GALNT13: variants seen among roughly 807,000 people sequenced by gnomAD.
The protein encoded by GALNT13 is UDP-GalNAc:polypeptide N-acetylgalactosaminyltransferase 13.
A neutral mutation model predicts 64.2 loss-of-function variants in GALNT13; 28 were observed. The ratio of observed to expected loss-of-function variants is 0.44; its 90% CI spans 0.32 to 0.60. The LOEUF is 0.60. GALNT13 is among the 20% of genes least tolerant of loss of function. The pLI, the probability that GALNT13 is intolerant of heterozygous loss-of-function variation, is 0.05. For synonymous variants in GALNT13, 214 were observed against 224.6 expected (o/e 0.95, Z 0.42); for missense variants, 577 against 669.8 (o/e 0.86, Z 1.53).
chr2:153,114,335 G>A, the GALNT13 span, among the ~76,000 whole-genome samples: 1 of 152,056 alleles, frequency 6.6e-6, no homozygotes, highest in African/African-American at 2.4e-5. Context: ...CAACCCCATG[G>A]TTTCACTCCC....
the GALNT13 span, among the ~76,000 whole-genome samples, chr2:153,194,447 CT>C: frequency 6.6e-6 from 1 of 151,908 alleles, no homozygotes; most frequent in Admixed American, 6.6e-5. Context: ...CTGTTTGGTT[CT>C]TTTTTATGAT....
intron 3 of GALNT13, among the ~76,000 whole-genome samples, chr2:154,064,771 A>G (rs1307545937): frequency 6.6e-6 from 1 of 152,136 alleles, no homozygotes; most frequent in Non-Finnish European, 1.5e-5. Context: ...AGACTGAGAC[A>G]TGCTGGCTTC....
the GALNT13 span, among the ~76,000 whole-genome samples, chr2:153,608,771 C>T: frequency 6.8e-6 from 1 of 146,578 alleles, no homozygotes; most frequent in African/African-American, 2.5e-5. Flanking sequence ...AATTTTATAT[C>T]TGATATATAA....
the GALNT13 span, among the ~76,000 whole-genome samples, chr2:153,359,629 G>GAAAA: frequency 1.1e-3 from 10 of 8,926 alleles, no homozygotes; most frequent in Admixed American, 3.5e-3. Context: ...CCAGCTTTCA[G>GAAAA]CAAAAAAAAA....
the GALNT13 span, among the ~76,000 whole-genome samples, chr2:153,816,195 C>T: frequency 6.6e-6 from 1 of 152,094 alleles, no homozygotes; most frequent in African/African-American, 2.4e-5. Flanking sequence ...GGGGTAGGAA[C>T]TACTTTAAAG....
the GALNT13 span, among the ~76,000 whole-genome samples, chr2:153,460,298 T>G: frequency 2.0e-5 from 3 of 152,166 alleles, no homozygotes; most frequent in Admixed American, 2.0e-4. Context: ...CACCTGTATG[T>G]TATGTAACAA....
chr2:153,400,804 ATTC>A, the GALNT13 span, among the ~76,000 whole-genome samples: 2 of 151,104 alleles, frequency 1.3e-5, no homozygotes, highest in African/African-American at 4.9e-5. Flanking sequence ...TGTCTATTTG[ATTC>A]TTCTCTCTTT....
intron 8 of GALNT13, among the ~76,000 whole-genome samples, chr2:154,272,714 A>G (rs546957989): frequency 1.1e-4 from 17 of 152,264 alleles, no homozygotes; most frequent in Middle Eastern, 6.8e-3. Context: ...CTGAAAATTA[A>G]GTCAATTATC....
At chr2:154,394,059 C>T (rs62172328) in intron 9 of GALNT13, among the ~76,000 whole-genome samples, 1 of 100,990 alleles carries the variant, frequency 9.9e-6, no homozygotes, top group South Asian at 3.8e-4. Context: ...GCCTGGGCGA[C>T]AGAGCGAGAC....
the GALNT13 span, among the ~76,000 whole-genome samples, chr2:153,452,927 T>C: frequency 6.6e-6 from 1 of 152,074 alleles, no homozygotes; most frequent in Non-Finnish European, 1.5e-5. Context: ...AAAATAGTCA[T>C]ACAGATAAAT....
intron 9 of GALNT13, among the ~76,000 whole-genome samples, chr2:154,379,811 A>C (rs1040091765): frequency 1.1e-4 from 17 of 152,116 alleles, no homozygotes; most frequent in African/African-American, 3.6e-4. Context: ...GGGCAGGAAA[A>C]CAATTGCAAA....
In GALNT13 at chr2:154,331,241, G is replaced by A. The variant is rs115153995; in HGVS notation, c.1156+29652G>A. Among the ~76,000 whole-genome samples, 576 of 152,018 alleles carry A rather than the reference G, an allele frequency of 3.8e-3. 5 individuals are homozygous for A. The highest frequency in any genetic ancestry group is 0.013 in the African/African-American group (543 of 41,494). ...GTGGCAACAAGCTGAAAAGATTATC[G>A]TCTGAAATAATCTCCACTAAAAAAA... is the stretch of plus-strand genomic sequence containing the variant. On this transcript the variant is annotated intron_variant, in intron 9 of 12. Transcript: ENST00000392825.
the GALNT13 span, among the ~76,000 whole-genome samples, chr2:153,623,968 A>G: frequency 7.9e-5 from 12 of 152,224 alleles, no homozygotes; most frequent in African/African-American, 1.9e-4. Flanking sequence ...CATGTTGTTT[A>G]GAAAAGCACC....
the GALNT13 span, among the ~76,000 whole-genome samples, chr2:153,501,352 G>T: frequency 6.6e-6 from 1 of 151,752 alleles, no homozygotes; most frequent in Non-Finnish European, 1.5e-5. Flanking sequence ...TATTTTTTGA[G>T]ATGGAGTCGC....
At chr2:153,478,527 G>A in the GALNT13 span, 4 of 1,603,132 alleles carry the variant, frequency 2.5e-6, no homozygotes, top group Non-Finnish European at 3.4e-6. Context: ...CCAGGAACAG[G>A]CCCGCCACGT....
the GALNT13 span, among the ~76,000 whole-genome samples, chr2:153,767,565 G>A: frequency 2.3e-4 from 35 of 152,112 alleles, no homozygotes; most frequent in South Asian, 5.8e-3. Context: ...ACATACCCAC[G>A]AACAGTATGT....
At chr2:153,433,476 C>G in the GALNT13 span, among the ~76,000 whole-genome samples, 2 of 152,180 alleles carry the variant, frequency 1.3e-5, no homozygotes, top group Non-Finnish European at 2.9e-5. Context: ...ATACTGTACA[C>G]GTTAACTTTG....
chr2:153,682,453 G>A, the GALNT13 span, among the ~76,000 whole-genome samples: 3 of 151,574 alleles, frequency 2.0e-5, no homozygotes, highest in Non-Finnish European at 3.0e-5. Context: ...GCTTCCAACT[G>A]TTTACTTAAT....
chr2:153,403,467 T>A, the GALNT13 span, among the ~76,000 whole-genome samples: 1 of 152,188 alleles, frequency 6.6e-6, no homozygotes, highest in Admixed American at 6.5e-5. Flanking sequence ...CAGTTCGAGC[T>A]TCCTGGCTGC....
Sources: gnomAD v4.1 joint callset for allele counts (sites outside exome capture counted in the v4.1 genomes callset) on GRCh38, gnomAD v4.1.1 for gene constraint, MANE v1.5 for transcripts, NCBI Gene and HGNC (gene_info 2026-07-23, HGNC 2026-07-21) for gene names.